Variants in CORO1C observed in about 807,000 individuals in gnomAD.
CORO1C encodes coronin-1C.
CORO1C carries 14 observed loss-of-function variants against 51.2 expected under a neutral mutation model. The ratio of observed to expected loss-of-function variants is 0.27; its 90% CI spans 0.18 to 0.43. CORO1C has a LOEUF of 0.43. Ranked by LOEUF, CORO1C falls within the 20% of genes least tolerant of loss-of-function variation. CORO1C has a pLI of 1.00. For missense variants in CORO1C, 417 were observed against 607.8 expected, an observed-to-expected ratio of 0.69 and a Z score of 3.30; for synonymous variants, 181 against 210.5, an observed-to-expected ratio of 0.86 and a Z score of 1.21.
At chr12:108,684,610 A>G (rs1448427657) in intron 2 of CORO1C, among the ~76,000 whole-genome samples, 2 of 152,236 alleles carry the variant, frequency 1.3e-5, no homozygotes. Context: ...TGTAATAAAA[A>G]TATGATACAT....
Position 108,664,008 on chromosome 12 carries a change from A to G in CORO1C, c.319-1850T>C, listed in dbSNP as rs111412444. ...TTAACAATGAACAACAAAGGTTTCA[A>G]AAGGTTAAGAAACAAACAACCTCTA... On this transcript the variant is annotated intron_variant, in intron 3 of 10. Coordinates refer to ENST00000261401, the MANE Select transcript of CORO1C (RefSeq NM_014325.4). Among the ~76,000 whole-genome samples the G allele has an allele frequency of 3.3e-5, 5 of 152,370 alleles. 1 individual carries two copies. The highest frequency in any genetic ancestry group is 1.2e-4 in the African/African-American group (5 of 41,592).
Position 108,727,262 on chromosome 12 carries a change from C to T in CORO1C, c.-6+4167G>A, listed in dbSNP as rs187502026. 2.1e-3 allele frequency among the ~76,000 whole-genome samples: 327 copies of T among 152,306 alleles called. 1 individual carries two copies. Among genetic ancestry groups the T allele is most frequent in the Admixed American group, 0.019 (291 of 15,288 alleles). On this transcript the variant is annotated intron_variant, in intron 1 of 10. Coordinates refer to ENST00000261401, the MANE Select transcript of CORO1C (RefSeq NM_014325.4). Reference sequence around the variant, plus strand: ...AAACAGTCCTGATGAATGTACAATACATGAGGGCAGGGACAAATGTCTGCC... The same window carrying T: ...AAACAGTCCTGATGAATGTACAATATATGAGGGCAGGGACAAATGTCTGCC...
chr12:108,663,700 G>A (rs1054894828), intron 3 of CORO1C, among the ~76,000 whole-genome samples: 2 of 152,178 alleles, frequency 1.3e-5, no homozygotes, highest in African/African-American at 4.8e-5. Context: ...GGCAGGTGGA[G>A]GGGTGATAGC....
At chr12:108,709,023 T>C (rs12310514) in intron 1 of CORO1C, among the ~76,000 whole-genome samples, 5,353 of 152,058 alleles carry the variant, frequency 0.035, 154 homozygotes, top group South Asian at 0.17. Flanking sequence ...CCAAACTGCT[T>C]GGATTATAGG....
At chr12:108,671,360 A>G (rs2033713550) in intron 3 of CORO1C, among the ~76,000 whole-genome samples, 1 of 152,060 alleles carries the variant, frequency 6.6e-6, no homozygotes, top group Admixed American at 6.5e-5. Context: ...GGAGGAAAAG[A>G]AAAGAGGTTT....
At chr12:108,668,324 T>C (rs80318260) in intron 3 of CORO1C, 1 of 152,216 alleles carries the variant, frequency 6.6e-6, no homozygotes, top group African/African-American at 2.4e-5. Context: ...TATAATATCC[T>C]CTGGCAAATG....
chr12:108,683,484 A>G (rs2034196557), intron 2 of CORO1C, among the ~76,000 whole-genome samples: 1 of 152,088 alleles, frequency 6.6e-6, no homozygotes, highest in South Asian at 2.1e-4. Context: ...AATCAACTAA[A>G]CTGGATAGAT....
At position 108,658,589 on chromosome 12, in the gene CORO1C, GAAGCCTTTAT is replaced by G. The variant is rs748889972; in HGVS notation, c.630+139_630+148del. ...GGAGAGAAGCACAACTGGGGAGACAGAAGCCTTTATAAGCCTTCTCTTATTCACAGTTGGT... is the reference window on the plus strand; with the variant it reads ...GGAGAGAAGCACAACTGGGGAGACAGAAGCCTTCTCTTATTCACAGTTGGT... On this transcript the variant is annotated intron_variant, in intron 5 of 10. Coordinates refer to ENST00000261401, the MANE Select transcript of CORO1C (RefSeq NM_014325.4). This position sits in a 1 kb window ranked among gnomAD's most constrained non-coding sequence, Gnocchi z 4.9. The G allele has an allele frequency of 2.0e-4, 131 of 656,580 alleles. No individual in the cohort carries two copies. Among genetic ancestry groups the G allele is most frequent in the Non-Finnish European group, 2.5e-4 (103 of 408,084 alleles). 40.7% of individuals were successfully genotyped at this position (656,580 alleles called of 1,614,324 possible). A position where few individuals can be genotyped will look rare whatever the true frequency, so the allele number is the denominator to read the frequency against.
intron 5 of CORO1C, 75 bp from the exon 6 acceptor site, chr12:108,657,498 T>G (rs573505449): frequency 1.3e-6 from 2 of 1,511,534 alleles, no homozygotes; most frequent in African/African-American, 2.7e-5. Context: ...CGGGCACAGA[T>G]CCAACCTCAC....
At chr12:108,656,121 A>G (rs1453590887) in intron 6 of CORO1C, among the ~76,000 whole-genome samples, 3 of 137,800 alleles carry the variant, frequency 2.2e-5, no homozygotes, top group African/African-American at 8.3e-5. Flanking sequence ...CCCGTCTGAG[A>G]AGTGAGGAGC....
At chr12:108,650,227 C>T (rs996289941) in intron 8 of CORO1C, among the ~76,000 whole-genome samples, 19 of 120,750 alleles carry the variant, frequency 1.6e-4, no homozygotes, top group Admixed American at 2.4e-4. Context: ...CTTGCTCCAT[C>T]GCCCAGGCTG....
At chr12:108,714,506 C>T (rs1363154113) in intron 1 of CORO1C, among the ~76,000 whole-genome samples, 5 of 151,604 alleles carry the variant, frequency 3.3e-5, no homozygotes, top group African/African-American at 1.2e-4. Flanking sequence ...ATTACAGGTG[C>T]GGTGGTTCAC....
In CORO1C at chr12:108,647,472, T is replaced by C; in HGVS notation, c.1356A>G (p.Lys452=). The C allele has an allele frequency of 9.3e-6, 15 of 1,609,822 alleles. No homozygotes were observed. Among genetic ancestry groups the C allele is most frequent in the Non-Finnish European group, 1.2e-5 (14 of 1,176,330 alleles). ...DEILKEIKSI[K]DTICNQDERI... ...GCTCATCTTGATTGCAGATTGTGTC[T>C]TTTATAGATTTGATCTCTTTTAAAA... The change falls in exon 11 of 11, where the codon AAA becomes AAG. Residue 452 remains lysine, a synonymous_variant. Coordinates refer to ENST00000261401, the MANE Select transcript of CORO1C (RefSeq NM_014325.4).
chr12:108,713,195 G>A (rs1275055000), intron 1 of CORO1C, among the ~76,000 whole-genome samples: 1 of 152,126 alleles, frequency 6.6e-6, no homozygotes, highest in South Asian at 2.1e-4. Context: ...ATACACAACA[G>A]ATCTCCTCAT....
At chr12:108,711,572 C>T (rs1036854195) in intron 1 of CORO1C, among the ~76,000 whole-genome samples, 2 of 150,888 alleles carry the variant, frequency 1.3e-5, no homozygotes, top group African/African-American at 4.9e-5. Flanking sequence ...CCCAGCTATT[C>T]GGGAGGCTAA....
intron 1 of CORO1C, among the ~76,000 whole-genome samples, chr12:108,713,144 A>G (rs1296532896): frequency 6.6e-6 from 1 of 152,200 alleles, no homozygotes; most frequent in Non-Finnish European, 1.5e-5. Flanking sequence ...AAGAAAAAAG[A>G]CCACATGCAA....
chr12:108,674,446 GC>G (rs1592882987), intron 3 of CORO1C, among the ~76,000 whole-genome samples: 1 of 152,016 alleles, frequency 6.6e-6, no homozygotes, highest in East Asian at 1.9e-4. Context: ...TACTCGGAGG[GC>G]TGAGGCAGGA....
chr12:108,723,894 C>T (rs1163726030), intron 1 of CORO1C, among the ~76,000 whole-genome samples: 3 of 152,200 alleles, frequency 2.0e-5, no homozygotes, highest in East Asian at 1.9e-4. Context: ...CAATAATAAT[C>T]GGTCTTCCAA....
At chr12:108,675,652 TC>T (rs1237522873) in intron 3 of CORO1C, among the ~76,000 whole-genome samples, 1 of 152,312 alleles carries the variant, frequency 6.6e-6, no homozygotes, top group East Asian at 1.9e-4. Context: ...GAGGACATTA[TC>T]TTATAAAATT....
Sources: allele counts gnomAD v4.1 joint callset (sites outside exome capture counted in the v4.1 genomes callset), GRCh38; gene constraint gnomAD v4.1.1; non-coding constraint Gnocchi (gnomAD v3.1); transcripts MANE v1.5; gene names NCBI Gene and HGNC (gene_info 2026-07-23, HGNC 2026-07-21).